DLC1: variants seen among roughly 807,000 people sequenced by gnomAD.
The protein encoded by DLC1 is DLC1 Rho GTPase activating protein, also known as rho GTPase-activating protein 7.
DLC1 carries 54 observed loss-of-function variants against 140.3 expected under a neutral mutation model. The ratio of observed to expected loss-of-function variants is 0.38; its 90% CI spans 0.31 to 0.48. The LOEUF is 0.48. DLC1 is among the 20% of genes least tolerant of loss of function. The pLI is 0.96. For synonymous variants in DLC1, 986 were observed against 728.1 expected (o/e 1.35, Z -5.70); for missense variants, 2,536 against 1,907.0 (o/e 1.33, Z -6.14).
chr8:13,131,289 C>T (rs1822054383), intron 5 of DLC1, among the ~76,000 whole-genome samples: 1 of 152,086 alleles, frequency 6.6e-6, no homozygotes. Flanking sequence ...ATTCAGAGGG[C>T]TGCAGTCTGC....
At chr8:13,335,182 G>A (rs140067084) in intron 4 of DLC1, among the ~76,000 whole-genome samples, 2 of 152,286 alleles carry the variant, frequency 1.3e-5, no homozygotes, top group African/African-American at 4.8e-5. Context: ...AAGGATGGCT[G>A]GAGAAAATGC....
rs1563359568 is a variant in DLC1, at chr8:13,453,410, ATATATATATATATGTGTATATATATATG to A, written c.1023+45611_1023+45638del. ...AGGATATATATATATATGTGTATAT[ATATATATATATATGTGTATATATATATG>A]TATATATATACATATATATATGTAT... On this transcript the variant is annotated intron_variant, in intron 2 of 17. Transcript: ENST00000276297. 1.6e-3 allele frequency among the ~76,000 whole-genome samples: 84 copies of A among 53,354 alleles called. 4 individuals are homozygous for A. Among genetic ancestry groups the A allele is most frequent in the African/African-American group, 8.5e-3 (75 of 8,824 alleles). 35.0% of individuals were successfully genotyped at this position (53,354 alleles called of 152,430 possible). A position where few individuals can be genotyped will look rare whatever the true frequency, so the allele number is the denominator to read the frequency against.
chr8:13,179,864 G>A (rs1240005395), intron 5 of DLC1, among the ~76,000 whole-genome samples: 1 of 152,056 alleles, frequency 6.6e-6, no homozygotes, highest in African/African-American at 2.4e-5. Flanking sequence ...TCTATGCTGG[G>A]GAGATCTGGA....
chr8:13,471,369 T>C (rs1289073599), intron 2 of DLC1, among the ~76,000 whole-genome samples: 3 of 151,594 alleles, frequency 2.0e-5, no homozygotes, highest in African/African-American at 7.3e-5. Flanking sequence ...ATTAGATTGA[T>C]TGTGGCCATT....
At chr8:13,567,575 T>TA (rs1208366436) in intron 1 of DLC1, 1 of 1,551,666 alleles carries the variant, frequency 6.4e-7, no homozygotes, top group East Asian at 2.4e-5. Flanking sequence ...AAGCAACACA[T>TA]ATCTTATCAG....
chr8:13,241,380 C>T (rs1000474349), intron 5 of DLC1, among the ~76,000 whole-genome samples: 1 of 152,154 alleles, frequency 6.6e-6, no homozygotes, highest in Admixed American at 6.5e-5. Context: ...TAGAAGTTTT[C>T]CCATGCTAAC....
intron 1 of DLC1, among the ~76,000 whole-genome samples, chr8:13,565,090 G>A (rs1427513405): frequency 6.6e-6 from 1 of 152,152 alleles, no homozygotes; most frequent in African/African-American, 2.4e-5. Flanking sequence ...GTACTGTTGA[G>A]AAATTTTCTT....
intron 1 of DLC1, among the ~76,000 whole-genome samples, chr8:13,579,729 C>G (rs1236139771): frequency 1.3e-5 from 2 of 149,192 alleles, no homozygotes; most frequent in African/African-American, 2.5e-5. Context: ...TATTTTGGAG[C>G]AATAGCGGCT....
chr8:13,353,129 C>A (rs1413193510), intron 4 of DLC1, among the ~76,000 whole-genome samples: 2 of 152,154 alleles, frequency 1.3e-5, no homozygotes, highest in Non-Finnish European at 2.9e-5. Flanking sequence ...GGTGGCTATA[C>A]GTGGCTTTCC....
chr8:13,214,452 C>G, intron 5 of DLC1: 2 of 596,024 alleles, frequency 3.4e-6, no homozygotes, highest in Non-Finnish European at 6.0e-6. Context: ...CAAACATGAC[C>G]TGTGGTCTGT....
At chr8:13,569,623 T>C (rs530983656) in intron 1 of DLC1, among the ~76,000 whole-genome samples, 1 of 152,214 alleles carries the variant, frequency 6.6e-6, no homozygotes, top group South Asian at 2.1e-4. Context: ...TCTTCCTTTT[T>C]ATTTTTCAAC....
intron 3 of DLC1, 119 bp downstream of exon 3, chr8:13,401,351 G>A (rs1169155315): frequency 4.6e-6 from 6 of 1,311,470 alleles, no homozygotes; most frequent in East Asian, 2.5e-5. Flanking sequence ...TTATGGTACT[G>A]TACTGGGGTT....
At chr8:13,178,411 A>C (rs1825864375) in intron 5 of DLC1, among the ~76,000 whole-genome samples, 1 of 151,934 alleles carries the variant, frequency 6.6e-6, no homozygotes, top group African/African-American at 2.4e-5. Context: ...AAATACAAAA[A>C]ATTAGCCAGG....
intron 1 of DLC1, among the ~76,000 whole-genome samples, chr8:13,553,930 G>C (rs1444341787): frequency 2.0e-5 from 3 of 151,816 alleles, no homozygotes; most frequent in Non-Finnish European, 4.4e-5. Flanking sequence ...GCTACTCTTT[G>C]TCTGCGCCCT....
chr8:13,540,962 A>C (rs1803462843), intron 1 of DLC1, among the ~76,000 whole-genome samples: 1 of 152,230 alleles, frequency 6.6e-6, no homozygotes, highest in South Asian at 2.1e-4. Flanking sequence ...TCTCTCTGAG[A>C]GACATGTAGC....
intron 5 of DLC1, among the ~76,000 whole-genome samples, chr8:13,153,430 G>C (rs1411905075): frequency 3.3e-5 from 5 of 152,234 alleles, no homozygotes; most frequent in South Asian, 2.1e-4. Flanking sequence ...TGGACCCAAA[G>C]AGCGAGCAGC....
chr8:13,388,056 AATTTAAAAT>A (rs1230260905), intron 4 of DLC1, among the ~76,000 whole-genome samples: 3 of 152,050 alleles, frequency 2.0e-5, no homozygotes, highest in Non-Finnish European at 4.4e-5. Context: ...ATGCATACAT[AATTTAAAAT>A]ATAATTTTAC....
chr8:13,386,800 A>AT (rs1491024982), intron 4 of DLC1, among the ~76,000 whole-genome samples: 2 of 121,362 alleles, frequency 1.6e-5, no homozygotes, highest in East Asian at 4.0e-4. Flanking sequence ...TTTTAGAAAT[A>AT]TTTTTTCCAG....
At position 13,092,689 on chromosome 8, in the gene DLC1, G is replaced by A; in HGVS notation, c.3663C>T (p.Thr1221=). 1 of 1,614,154 alleles carries A rather than the reference G, an allele frequency of 6.2e-7. No homozygotes were observed. The highest frequency in any genetic ancestry group is 8.5e-7 in the Non-Finnish European group (1 of 1,180,028). ...VTAAVKENQM[T]PTNLAVCLAP... is the part of the protein sequence containing the mutation. ...CTAAGCACACGGCCAGGTTGGTTGG[G>A]GTCATCTGGTTTTCTTTTACGGCTG... Residue 1221 remains threonine (T), a synonymous_variant, in exon 13 of 18, where the codon ACC becomes ACT. Transcript: ENST00000276297.
Sources: gnomAD v4.1 joint callset for allele counts (sites outside exome capture counted in the v4.1 genomes callset) on GRCh38, gnomAD v4.1.1 for gene constraint, MANE v1.5 for transcripts, NCBI Gene and HGNC (gene_info 2026-07-23, HGNC 2026-07-21) for gene names.